The following ZBTB40 variants were observed in gnomAD, a reference collection of about 807,000 sequenced individuals.
The protein encoded by ZBTB40 is zinc finger and BTB domain containing 40.
In ZBTB40, 60 loss-of-function variants were observed where a neutral mutation model predicts 117.5. The ratio of observed to expected loss-of-function variants is 0.51; its 90% confidence interval spans 0.41 to 0.63. The LOEUF (loss-of-function observed/expected upper bound fraction) is 0.63, where lower values mean the gene tolerates loss of function less well. Ranked by LOEUF, ZBTB40 falls within the 30% of genes least tolerant of loss-of-function variation. The pLI, the probability that ZBTB40 is intolerant of heterozygous loss-of-function variation, is 0.00. For missense variants in ZBTB40, 1,287 were observed against 1,498.5 expected (o/e 0.86, Z 2.33); for synonymous variants, 525 against 577.1 (o/e 0.91, Z 1.29).
In ZBTB40 at chr1:22,511,027, C is replaced by T; in HGVS notation, c.1834-152C>T. ...CTGTTCTTTGGCAAACAGAGCTGTC[C>T]ACTACATTTATCACAAGGCGATGTA... On this transcript the variant is annotated intron_variant, in intron 9 of 17. Coordinates refer to ENST00000375647, the MANE Select transcript of ZBTB40 (RefSeq NM_014870.4). 4.2e-6 allele frequency: 4 copies of T among 944,610 alleles called. No individual in the cohort carries two copies. The South Asian group carries it at 5.9e-5, about 14-fold the overall frequency. The allele number at this position is 944,610 out of a possible 1,614,324, so 58.5% of individuals were successfully genotyped here.
rs1164087632 is a variant in ZBTB40 at position 22,513,620 on chromosome 1, G to A, written c.2668+490G>A. Among the ~76,000 whole-genome samples the A allele has an allele frequency of 6.6e-6, 1 of 152,178 alleles. No homozygotes were observed. The highest frequency in any genetic ancestry group is 6.5e-5 in the Admixed American group (1 of 15,280). On this transcript the variant is annotated intron_variant, in intron 12 of 17. Coordinates refer to ENST00000375647, the MANE Select transcript of ZBTB40 (RefSeq NM_014870.4). This position sits in a 1 kb window ranked among gnomAD's most constrained non-coding sequence, Gnocchi z 4.9. ...GGAGGCTGAGGCAGGAGAATGGTGT[G>A]AACCTGGGAGGTGGAACTTGCAGTG...
At chr1:22,522,945 CTTTTTTTTTTTT>C (rs34232963) in intron 16 of ZBTB40, among the ~76,000 whole-genome samples, 4 of 93,910 alleles carry the variant, frequency 4.3e-5, no homozygotes, top group Non-Finnish European at 8.3e-5. Flanking sequence ...TAAGATGTAC[CTTTTTTTTTTTT>C]TTTTTTTTGA....
intron 1 of ZBTB40, among the ~76,000 whole-genome samples, chr1:22,461,638 A>C (rs1641136676): frequency 6.6e-6 from 1 of 152,200 alleles, no homozygotes; most frequent in African/African-American, 2.4e-5. Flanking sequence ...ACAGAGGGGT[A>C]CTGAAGGCTG....
chr1:22,438,131 G>GA (rs1211876062), intron 1 of ZBTB40, among the ~76,000 whole-genome samples: 1 of 151,500 alleles, frequency 6.6e-6, no homozygotes, highest in Non-Finnish European at 1.5e-5. Context: ...ACTCCATCTC[G>GA]AAAAAAACAA....
intron 1 of ZBTB40, among the ~76,000 whole-genome samples, chr1:22,439,169 G>A (rs892100473): frequency 3.3e-5 from 5 of 152,152 alleles, no homozygotes; most frequent in Admixed American, 1.3e-4. Context: ...CCTGGCCTGC[G>A]TCTTTTGCCT....
intron 1 of ZBTB40, among the ~76,000 whole-genome samples, chr1:22,480,963 A>G (rs554260966): frequency 2.2e-4 from 33 of 152,224 alleles, no homozygotes; most frequent in African/African-American, 7.9e-4. Flanking sequence ...CCCACCTTCT[A>G]CCTGCCTGAA....
At chr1:22,515,694 A>G (rs142495237) in intron 12 of ZBTB40, among the ~76,000 whole-genome samples, 1 of 152,244 alleles carries the variant, frequency 6.6e-6, no homozygotes, top group East Asian at 1.9e-4. Context: ...CAACCCCCCC[A>G]TCACAAGATC....
chr1:22,437,172 A>G (rs1051919556), intron 1 of ZBTB40, among the ~76,000 whole-genome samples: 1 of 152,178 alleles, frequency 6.6e-6, no homozygotes, highest in African/African-American at 2.4e-5. Flanking sequence ...TCATAGGGCA[A>G]ATTACTGCCC....
At chr1:22,461,843 C>T (rs1022237221) in intron 1 of ZBTB40, among the ~76,000 whole-genome samples, 4 of 152,198 alleles carry the variant, frequency 2.6e-5, no homozygotes, top group African/African-American at 9.7e-5. Flanking sequence ...TAGTGCCAAG[C>T]CTCAGTTAAG....
intron 3 of ZBTB40, among the ~76,000 whole-genome samples, chr1:22,495,907 A>G (rs963139925): frequency 6.6e-6 from 1 of 152,206 alleles, no homozygotes; most frequent in African/African-American, 2.4e-5. Context: ...GCTTTAGGCA[A>G]GTTGTTTTGC....
At chr1:22,512,763 G>A (rs916170203) in intron 11 of ZBTB40, among the ~76,000 whole-genome samples, 161 bp from the exon 12 acceptor site, 1 of 152,126 alleles carries the variant, frequency 6.6e-6, no homozygotes, top group African/African-American at 2.4e-5. Flanking sequence ...AGAGCAGCGT[G>A]GCTGTGTGCA....
intron 1 of ZBTB40, among the ~76,000 whole-genome samples, chr1:22,441,150 G>A (rs997550300): frequency 5.9e-5 from 9 of 151,982 alleles, no homozygotes; most frequent in South Asian, 2.1e-4. Context: ...TGATTCAATC[G>A]CCTTACTGAT....
intron 3 of ZBTB40, among the ~76,000 whole-genome samples, chr1:22,491,973 G>A (rs1436858140): frequency 6.6e-6 from 1 of 152,162 alleles, no homozygotes; most frequent in African/African-American, 2.4e-5. Context: ...AGGAATAACA[G>A]TGGCCATTTT....
intron 12 of ZBTB40, among the ~76,000 whole-genome samples, chr1:22,515,370 C>T (rs1461428402): frequency 6.6e-6 from 1 of 152,198 alleles, no homozygotes; most frequent in Non-Finnish European, 1.5e-5. Context: ...TTAGTTTATC[C>T]TGCTGCTGTA....
Position 22,511,974 on chromosome 1 carries a change from G to T in ZBTB40, c.2301G>T (p.Gln767His), listed in dbSNP as rs199670147. ...GGGTGGCTAAGAGCAAACAGGTGCA[G>T]TGTAAGGAGTGCAGTGAGACCAAGG... ...RCRVAKSKQV[Q>H]CKECSETKDS... Residue 767 changes from glutamine to histidine, a missense_variant, in exon 11 of 18, where the codon CAG becomes CAT. This residue lies in a region of ZBTB40 where 870 missense variants were observed against 934.4 expected (regional missense o/e 0.93). Transcript: ENST00000375647. 7.4e-6 allele frequency: 12 copies of T among 1,614,240 alleles called. No individual in the cohort carries two copies. The highest frequency in any genetic ancestry group is 8.5e-6 in the Non-Finnish European group (10 of 1,180,050).
intron 1 of ZBTB40, among the ~76,000 whole-genome samples, chr1:22,487,839 C>A (rs533322020): frequency 6.6e-6 from 1 of 152,084 alleles, no homozygotes; most frequent in Admixed American, 6.5e-5. Flanking sequence ...CCTCCAAGCT[C>A]GTAAGCATGG....
chr1:22,497,843 G>A (rs889923994), intron 3 of ZBTB40, among the ~76,000 whole-genome samples: 2 of 152,146 alleles, frequency 1.3e-5, no homozygotes, highest in Non-Finnish European at 2.9e-5. Context: ...TAGTAGTAAC[G>A]CCTCCCAGGC....
chr1:22,522,572 C>T (rs781756208), intron 16 of ZBTB40, 109 bp downstream of exon 16: 21 of 1,052,266 alleles, frequency 2.0e-5, no homozygotes, highest in Non-Finnish European at 2.5e-5. Flanking sequence ...ACCTGTGCCT[C>T]GGTTTCTTCA....
intron 1 of ZBTB40, among the ~76,000 whole-genome samples, chr1:22,433,924 T>C (rs1640636187): frequency 6.6e-6 from 1 of 152,132 alleles, no homozygotes; most frequent in African/African-American, 2.4e-5. Context: ...AGGAATCCTT[T>C]CAGTGAATAA....
Sources: allele counts gnomAD v4.1 joint callset (sites outside exome capture counted in the v4.1 genomes callset), GRCh38; gene constraint gnomAD v4.1.1; regional missense constraint gnomAD v4.1.1; non-coding constraint Gnocchi (gnomAD v3.1); transcripts MANE v1.5; gene names NCBI Gene and HGNC (gene_info 2026-07-23, HGNC 2026-07-21).